ENOX1: variants seen among roughly 807,000 people sequenced by gnomAD.
ENOX1 encodes candidate growth-related and time keeping constitutive hydroquinone (NADH) oxidase.
A neutral mutation model predicts 82.5 loss-of-function variants in ENOX1; 42 were observed. That is an observed-to-expected ratio of 0.51 (90% CI 0.40 to 0.66). The LOEUF (loss-of-function observed/expected upper bound fraction) is 0.66, where lower values mean the gene tolerates loss of function less well. Ranked by LOEUF, ENOX1 falls within the 30% of genes least tolerant of loss-of-function variation. The pLI is 0.00. For missense variants in ENOX1, 608 were observed against 811.6 expected, an observed-to-expected ratio of 0.75 and a Z score of 3.05; for synonymous variants, 271 against 282.2, an observed-to-expected ratio of 0.96 and a Z score of 0.40.
At chr13:43,656,001 A>G (rs946295207) in intron 2 of ENOX1, among the ~76,000 whole-genome samples, 2 of 152,190 alleles carry the variant, frequency 1.3e-5, no homozygotes, top group Non-Finnish European at 2.9e-5. Flanking sequence ...GACCTCATCC[A>G]AAAGACCCCT....
chr13:43,453,549 G>T (rs1340507489), intron 3 of ENOX1, among the ~76,000 whole-genome samples: 1 of 152,142 alleles, frequency 6.6e-6, no homozygotes, highest in African/African-American at 2.4e-5. Context: ...CACTCTGCCT[G>T]GCACTATAGG....
intron 2 of ENOX1, among the ~76,000 whole-genome samples, chr13:43,630,935 G>C (rs7989012): frequency 0.043 from 4,767 of 110,938 alleles, 235 homozygotes; most frequent in African/African-American, 0.13. Flanking sequence ...GTGTGTGTTT[G>C]TGTGTGTGTG....
At chr13:43,562,710 T>C (rs1433650917) in intron 2 of ENOX1, among the ~76,000 whole-genome samples, 1 of 152,120 alleles carries the variant, frequency 6.6e-6, no homozygotes, top group East Asian at 1.9e-4. Context: ...AGATACTCCA[T>C]GCCCATGGAA....
At chr13:43,436,720 T>A (rs73471851) in intron 3 of ENOX1, among the ~76,000 whole-genome samples, 1 of 152,184 alleles carries the variant, frequency 6.6e-6, no homozygotes, top group Non-Finnish European at 1.5e-5. Flanking sequence ...GAACATTAAT[T>A]CTAATCAGAT....
chr13:43,619,104 G>C (rs766931378), intron 2 of ENOX1, among the ~76,000 whole-genome samples: 2 of 151,384 alleles, frequency 1.3e-5, no homozygotes, highest in Non-Finnish European at 2.9e-5. Flanking sequence ...TGGAAACTTC[G>C]CTGGATTCTT....
intron 1 of ENOX1, among the ~76,000 whole-genome samples, chr13:43,737,724 G>T (rs1594630368): frequency 1.3e-5 from 2 of 152,096 alleles, no homozygotes; most frequent in African/African-American, 4.8e-5. Context: ...TAAAGATCTG[G>T]TATCCACAAA....
Position 43,555,037 on chromosome 13 carries a change from A to G in ENOX1, c.-218-70885T>C, listed in dbSNP as rs560621361. The stretch of plus-strand genomic sequence containing the variant: ...TTAAAAATAACAAAGTGATTCTTGC[A>G]TTCTTATCCTGTCTATCTAAGAGCT... On this transcript the variant is annotated intron_variant, in intron 2 of 16. Coordinates refer to ENST00000690772, the MANE Select transcript of ENOX1 (RefSeq NM_001347969.2). Among the ~76,000 whole-genome samples, 18 of 152,362 alleles carry G rather than the reference A, an allele frequency of 1.2e-4. 1 individual carries two copies. Among genetic ancestry groups the G allele is most frequent in the Non-Finnish European group, 2.4e-4 (16 of 68,030 alleles).
intron 2 of ENOX1, among the ~76,000 whole-genome samples, chr13:43,510,963 C>A (rs1236993095): frequency 6.6e-6 from 1 of 152,106 alleles, no homozygotes; most frequent in Non-Finnish European, 1.5e-5. Context: ...GGAAATTCAG[C>A]AATGTCCATA....
At chr13:43,373,063 A>G (rs1281169569) in intron 5 of ENOX1, among the ~76,000 whole-genome samples, 4 of 152,192 alleles carry the variant, frequency 2.6e-5, no homozygotes, top group Non-Finnish European at 5.9e-5. Flanking sequence ...CACTCAACAC[A>G]TATTACTATC....
At chr13:43,247,392 G>A (rs1455586666) in intron 14 of ENOX1, among the ~76,000 whole-genome samples, 1 of 152,082 alleles carries the variant, frequency 6.6e-6, no homozygotes, top group African/African-American at 2.4e-5. Flanking sequence ...TAGAAAGGCA[G>A]CTGGAAATAG....
intron 2 of ENOX1, among the ~76,000 whole-genome samples, chr13:43,632,442 T>C (rs2083256960): frequency 6.6e-6 from 1 of 151,758 alleles, no homozygotes; most frequent in Non-Finnish European, 1.5e-5. Context: ...TGTATTTCTA[T>C]TATAATCTTA....
At chr13:43,754,584 CA>C (rs1286827531) in intron 1 of ENOX1, among the ~76,000 whole-genome samples, 3 of 145,744 alleles carry the variant, frequency 2.1e-5, no homozygotes, top group Non-Finnish European at 4.7e-5. Flanking sequence ...TTAATTTTAG[CA>C]GCTTGTTTTT....
chr13:43,562,191 A>C (rs1357497054), intron 2 of ENOX1, among the ~76,000 whole-genome samples: 1 of 152,176 alleles, frequency 6.6e-6, no homozygotes, highest in East Asian at 1.9e-4. Context: ...TAGACAGTAC[A>C]ATAACATATA....
chr13:43,700,148 A>C (rs2086837334), intron 1 of ENOX1, among the ~76,000 whole-genome samples: 1 of 152,180 alleles, frequency 6.6e-6, no homozygotes, highest in African/African-American at 2.4e-5. Context: ...GTACATTCAT[A>C]AACGAGTTTG....
chr13:43,480,060 T>C (rs1165306041), intron 3 of ENOX1, among the ~76,000 whole-genome samples: 1 of 151,956 alleles, frequency 6.6e-6, no homozygotes, highest in Admixed American at 6.6e-5. Context: ...CATAGCCTCC[T>C]GAAGTAGCTG....
rs535961591 is a variant in ENOX1 at position 43,320,864 on chromosome 13, T to G, written c.1261+1520A>C. Among the ~76,000 whole-genome samples, 17 of 152,346 alleles carry G rather than the reference T, an allele frequency of 1.1e-4. No homozygotes were observed. The South Asian group carries it at 3.3e-3, about 30-fold the overall frequency. ...GAAGATCTTGTTGAACTTAAGAAATTCACACAAATCCTTGCCCCCTTCTTT... is the reference window on the plus strand; with the variant it reads ...GAAGATCTTGTTGAACTTAAGAAATGCACACAAATCCTTGCCCCCTTCTTT... On this transcript the variant is annotated intron_variant, in intron 11 of 16. Transcript: ENST00000690772.
intron 1 of ENOX1, among the ~76,000 whole-genome samples, chr13:43,709,248 G>C (rs976210102): frequency 1.3e-5 from 2 of 151,812 alleles, no homozygotes; most frequent in Admixed American, 6.6e-5. Flanking sequence ...TGAGGTAATA[G>C]GCCACAATAT....
At chr13:43,658,901 C>G (rs952065660) in intron 2 of ENOX1, among the ~76,000 whole-genome samples, 60 of 152,078 alleles carry the variant, frequency 3.9e-4, no homozygotes, top group African/African-American at 1.4e-3. Context: ...TGTTGTTATT[C>G]CCTTTTAATC....
chr13:43,452,909 T>C (rs1194535275), intron 3 of ENOX1, among the ~76,000 whole-genome samples: 1 of 152,218 alleles, frequency 6.6e-6, no homozygotes, highest in Admixed American at 6.5e-5. Context: ...CACAGGTGGA[T>C]GTTTTAGATT....
Sources: allele counts gnomAD v4.1 joint callset (sites outside exome capture counted in the v4.1 genomes callset), GRCh38; gene constraint gnomAD v4.1.1; transcripts MANE v1.5; gene names NCBI Gene and HGNC (gene_info 2026-07-23, HGNC 2026-07-21).